FAM83C: variants seen among roughly 807,000 people sequenced by gnomAD.
FAM83C encodes the protein protein FAM83C.
FAM83C carries 23 observed loss-of-function variants against 27.1 expected under a neutral mutation model. The ratio of observed to expected loss-of-function variants is 0.85; its 90% CI spans 0.61 to 1.20. The LOEUF is 1.20. FAM83C is among the 50% of genes most tolerant of loss of function. FAM83C has a pLI of 0.00. For missense variants in FAM83C, 984 were observed against 1,001.3 expected, an observed-to-expected ratio of 0.98 and a Z score of 0.23; for synonymous variants, 426 against 423.1, an observed-to-expected ratio of 1.01 and a Z score of -0.09.
Position 35,288,791 on chromosome 20 carries a change from C to A in FAM83C, c.681G>T (p.Pro227=). ...GTTACTGCCCCTGGTCCTCACTGAC[C>A]GGCAGGTGCTCCCCATTGAGGTCCA... The part of the protein sequence containing the change: ...YKMDLNGEHL[P]NMRVRSTCGD... Residue 227 remains proline, a splice_region_variant and synonymous_variant, in exon 2 of 4, where the codon CCG becomes CCT. Transcript: ENST00000374408. 1 of 1,607,140 alleles carries A rather than the reference C, an allele frequency of 6.2e-7. No individual in the cohort carries two copies. The highest frequency in any genetic ancestry group is 8.5e-7 in the Non-Finnish European group (1 of 1,175,690).
intron 2 of FAM83C, 100 bp from the exon 3 acceptor site, chr20:35,288,685 C>G (rs1019479796): frequency 6.4e-7 from 1 of 1,555,034 alleles, no homozygotes; most frequent in East Asian, 2.3e-5. Flanking sequence ...GGGAACCCAC[C>G]CCCCACTCCC....
At chr20:35,288,067 G>T (rs529991933) in intron 3 of FAM83C, 95 bp from the exon 4 acceptor site, 3 of 1,080,854 alleles carry the variant, frequency 2.8e-6, no homozygotes, top group Non-Finnish European at 4.0e-6. Flanking sequence ...GGTCCAGCAC[G>T]CTAGACCCAA....
chr20:35,291,737 C>A, intron 1 of FAM83C, 55 bp downstream of exon 1: 1 of 1,605,638 alleles, frequency 6.2e-7, no homozygotes, highest in Non-Finnish European at 8.5e-7. Context: ...CCTTCCCTCT[C>A]TGGACCTCAG....
Position 35,286,376 on chromosome 20 carries a change from T to C in FAM83C, c.*159A>G. 1 of 612,202 alleles carries C rather than the reference T, an allele frequency of 1.6e-6. No individual in the cohort carries two copies. The highest frequency in any genetic ancestry group is 3.0e-5 in the Admixed American group (1 of 33,264). 37.9% of individuals were successfully genotyped at this position (612,202 alleles called of 1,614,324 possible). On this transcript the variant is annotated 3_prime_UTR_variant, in exon 4 of 4. Transcript: ENST00000374408. ...TAGGGTGTGTGTGTGTGTGTGTGTG[T>C]GTGTGTGTGTACACAAGAATCTTGA...
chr20:35,288,712 G>A, intron 2 of FAM83C, 79 bp downstream of exon 2: 4 of 1,540,250 alleles, frequency 2.6e-6, no homozygotes, highest in Non-Finnish European at 3.5e-6. Flanking sequence ...CCCCAGTGCT[G>A]ACTGGCCACC....
Position 35,286,826 on chromosome 20 carries a change from G to A in FAM83C, c.1953C>T (p.Pro651=). The change falls in exon 4 of 4, where the codon CCC becomes CCT. Residue 651 remains proline (P), a synonymous_variant. Transcript: ENST00000374408. ...CAGGGCTTGATATCGGGAGACCATT[G>A]GGCCCAGGCCCCTCACCACGGAATG... ...FGPFRGEGPG[P]NGLPISSPAR... 6.2e-7 allele frequency: 1 copy of A among 1,614,096 alleles called. No individual in the cohort carries two copies. The highest frequency in any genetic ancestry group is 8.5e-7 in the Non-Finnish European group (1 of 1,179,996).
rs1475302419 is a variant in FAM83C, at chr20:35,287,595, T to C, written c.1184A>G (p.His395Arg). 2 of 1,613,928 alleles carry C rather than the reference T, an allele frequency of 1.2e-6. No homozygotes were observed. Among genetic ancestry groups the C allele is most frequent in the Admixed American group, 3.3e-5 (2 of 60,004 alleles). ...RREASGQPSL[H>R]RQLSDPNHGS... ...GTGGTTAGGGTCTGACAGTTGGCGA[T>C]GTAGGGAGGGCTGGCCACTGGCCTC... is the stretch of plus-strand genomic sequence containing the variant. Residue 395 changes from histidine to arginine, a missense_variant, in exon 4 of 4, where the codon CAT becomes CGT. By Grantham distance (29) the His-to-Arg change is conservative (BLOSUM62 0). Transcript: ENST00000374408.
At chr20:35,289,314 C>T (rs1213625008) in intron 1 of FAM83C, among the ~76,000 whole-genome samples, 1 of 151,880 alleles carries the variant, frequency 6.6e-6, no homozygotes, top group African/African-American at 2.4e-5. Flanking sequence ...GTATTATAGG[C>T]ATGTGCCACT....
Position 35,288,970 on chromosome 20 carries a change from G to C in FAM83C, c.514-12C>G, listed in dbSNP as rs375009666. On this transcript the variant is annotated splice_polypyrimidine_tract_variant and intron_variant, in intron 1 of 3. Coordinates refer to ENST00000374408, the MANE Select transcript of FAM83C (RefSeq NM_178468.6). Reference sequence around the variant, plus strand: ...ACCACAGCCACCACCTGGGTGGGGGGAGGCACACGAAAGCTCAGCGCTGCC... The same window carrying C: ...ACCACAGCCACCACCTGGGTGGGGGCAGGCACACGAAAGCTCAGCGCTGCC... 363 of 1,611,304 alleles carry C rather than the reference G, an allele frequency of 2.3e-4. No individual in the cohort carries two copies. Among genetic ancestry groups the C allele is most frequent in the Non-Finnish European group, 3.0e-4 (350 of 1,178,610 alleles).
In FAM83C at chr20:35,292,392, C is replaced by T. The variant is rs865900413; in HGVS notation, c.-88G>A. On this transcript the variant is annotated 5_prime_UTR_variant, in exon 1 of 4. Coordinates refer to ENST00000374408, the MANE Select transcript of FAM83C (RefSeq NM_178468.6). The stretch of plus-strand genomic sequence containing the variant: ...AGCAGGAAGAGGAGACCAGCAGAAC[C>T]GCCTTCTGCCCGCCCGCTCGCTGTG... 7 of 1,421,674 alleles carry T rather than the reference C, an allele frequency of 4.9e-6. No homozygotes were observed. In the African/African-American group the frequency reaches 5.8e-5, roughly 12 times the overall value. 88.1% of individuals were successfully genotyped at this position (1,421,674 alleles called of 1,614,324 possible).
Position 35,287,593 on chromosome 20 carries a change from G to A in FAM83C, c.1186C>T (p.Arg396Cys), listed in dbSNP as rs753833214. The A allele has an allele frequency of 3.7e-6, 6 of 1,614,092 alleles. No homozygotes were observed. Among genetic ancestry groups the A allele is most frequent in the Non-Finnish European group, 5.1e-6 (6 of 1,179,988 alleles). ...REASGQPSLH[R>C]QLSDPNHGSP... ...CCGTGGTTAGGGTCTGACAGTTGGCGATGTAGGGAGGGCTGGCCACTGGCC... is the reference window on the plus strand; with the variant it reads ...CCGTGGTTAGGGTCTGACAGTTGGCAATGTAGGGAGGGCTGGCCACTGGCC... The change falls in exon 4 of 4, where the codon CGC becomes TGC. Residue 396 changes from arginine to cysteine, a missense_variant. Physicochemically the swap from Arg to Cys is radical, Grantham distance 180. Transcript: ENST00000374408.
Position 35,292,273 on chromosome 20 carries a change from C to T in FAM83C, c.32G>A (p.Gly11Glu), listed in dbSNP as rs1162039210. 1 of 1,552,720 alleles carries T rather than the reference C, an allele frequency of 6.4e-7. No homozygotes were observed. The highest frequency in any genetic ancestry group is 2.3e-4 in the Middle Eastern group (1 of 4,398). Residue 11 changes from glycine (G) to glutamate (E), a missense_variant, in exon 1 of 4, where the codon GGA becomes GAA. Gly to Glu is a moderately conservative substitution (Grantham distance 98). Transcript: ENST00000374408. ...CAGGGGTCCCGCCATGCCCTGGGCTCCCAGGACCCCAGGCCCCGGGCCTCC... is the reference window on the plus strand; with the variant it reads ...CAGGGGTCCCGCCATGCCCTGGGCTTCCAGGACCCCAGGCCCCGGGCCTCC... The part of the protein sequence containing the change: MFGGPGPGVL[G>E]AQGMAGPLRG...
rs1337108878 is a variant in FAM83C at position 35,288,894 on chromosome 20, G to A, written c.578C>T (p.Ser193Leu). 6.2e-7 allele frequency: 1 copy of A among 1,614,018 alleles called. No homozygotes were observed. The highest frequency in any genetic ancestry group is 8.5e-7 in the Non-Finnish European group (1 of 1,180,038). ...MELLCDLMEA[S>L]SRRGVPVYLL... The stretch of plus-strand genomic sequence containing the variant: ...GTACACAGGGACACCACGCCGGCTT[G>A]AGGCCTCCATGAGGTCACACAGAAG... Residue 193 changes from serine (S) to leucine (L), a missense_variant, in exon 2 of 4, where the codon TCA becomes TTA. Ser to Leu is a moderately radical substitution (Grantham distance 145). Coordinates refer to ENST00000374408, the MANE Select transcript of FAM83C (RefSeq NM_178468.6).
At chr20:35,290,278 C>G (rs999080733) in intron 1 of FAM83C, among the ~76,000 whole-genome samples, 5 of 152,224 alleles carry the variant, frequency 3.3e-5, no homozygotes, top group Non-Finnish European at 7.3e-5. Context: ...TCCCAGCCCC[C>G]AGCTGGCCTT....
Position 35,288,814 on chromosome 20 carries a change from C to T in FAM83C, c.658G>A (p.Asp220Asn), listed in dbSNP as rs1451662574. The change falls in exon 2 of 4, where the codon GAC becomes AAC. Residue 220 changes from aspartate to asparagine, a missense_variant. Asp to Asn is a conservative substitution (Grantham distance 23). Transcript: ENST00000374408. The stretch of plus-strand genomic sequence containing the variant: ...ACCGGCAGGTGCTCCCCATTGAGGT[C>T]CATCTTGTAGCACATCTCCAGGAAG... ...RHFLEMCYKM[D>N]LNGEHLPNMR... 1.2e-6 allele frequency: 2 copies of T among 1,612,840 alleles called. No individual in the cohort carries two copies. Among genetic ancestry groups the T allele is most frequent in the African/African-American group, 1.3e-5 (1 of 74,898 alleles).
chr20:35,287,465 G>A lies in FAM83C; in HGVS notation c.1314C>T (p.Thr438=). The change falls in exon 4 of 4, where the codon ACC becomes ACT. Residue 438 remains threonine, a synonymous_variant. Transcript: ENST00000374408. The part of the protein sequence containing the change: ...ALNHNSTSPL[T]LAVGSPLLPR... ...GAAGCAGAGGTGACCCCACTGCCAAGGTTAAGGGGCTGGTACTATTATGGT... is the reference window on the plus strand; with the variant it reads ...GAAGCAGAGGTGACCCCACTGCCAAAGTTAAGGGGCTGGTACTATTATGGT... 6.2e-7 allele frequency: 1 copy of A among 1,614,212 alleles called. No individual in the cohort carries two copies. Among genetic ancestry groups the A allele is most frequent in the Non-Finnish European group, 8.5e-7 (1 of 1,180,024 alleles).
At position 35,287,004 on chromosome 20, in the gene FAM83C, C is replaced by T. The variant is rs1238716158; in HGVS notation, c.1775G>A (p.Gly592Asp). The T allele has an allele frequency of 8.1e-6, 13 of 1,609,698 alleles. No individual in the cohort carries two copies. The South Asian group carries it at 9.9e-5, about 12-fold the overall frequency. The change falls in exon 4 of 4, where the codon GGC (glycine) becomes GAC (aspartate). Residue 592 changes from glycine to aspartate, a missense_variant. Transcript: ENST00000374408. ...DRRLSLNQSR[G>D]QSDLLMQYPK... ...GTACTGCATCAGGAGGTCTGATTGG[C>T]CACGGCTTTGGTTTAGGGACAGCCT...
Position 35,286,425 on chromosome 20 carries a change from G to A in FAM83C, c.*110C>T. On this transcript the variant is annotated 3_prime_UTR_variant, in exon 4 of 4. Transcript: ENST00000374408. ...GAGCCCAGAGAGTGTGTCTGACCTG[G>A]GTTTCTAGACACCTCCCTTCCCCAG... 1 of 996,912 alleles carries A rather than the reference G, an allele frequency of 1.0e-6. No individual in the cohort carries two copies. Among genetic ancestry groups the A allele is most frequent in the Non-Finnish European group, 1.4e-6 (1 of 692,548 alleles). 61.8% of individuals were successfully genotyped at this position (996,912 alleles called of 1,614,324 possible). A position where few individuals can be genotyped will look rare whatever the true frequency, so the allele number is the denominator to read the frequency against.
intron 1 of FAM83C, among the ~76,000 whole-genome samples, chr20:35,291,054 C>T (rs1322452971): frequency 6.6e-6 from 1 of 152,188 alleles, no homozygotes; most frequent in East Asian, 1.9e-4. Flanking sequence ...CCCTACCTGC[C>T]CTCCCAATTC....
Sources: allele counts gnomAD v4.1 joint callset (sites outside exome capture counted in the v4.1 genomes callset), GRCh38; gene constraint gnomAD v4.1.1; transcripts MANE v1.5; gene names NCBI Gene and HGNC (gene_info 2026-07-23, HGNC 2026-07-21).